AGBL1: variants seen among roughly 807,000 people sequenced by gnomAD.
The protein encoded by AGBL1 is cytosolic carboxypeptidase 4.
Under a neutral mutation model 118.9 loss-of-function variants are expected in AGBL1, and 130 were observed. That is an observed-to-expected ratio of 1.09 (90% CI 0.95 to 1.26). AGBL1 has a LOEUF of 1.26. Among genes scored for constraint, AGBL1 ranks in the 50% most tolerant of loss-of-function variants. AGBL1 has a pLI of 0.00. For synonymous variants in AGBL1, 555 were observed against 478.9 expected (o/e 1.16, Z -2.08); for missense variants, 1,584 against 1,298.1 (o/e 1.22, Z -3.38).
chr15:86,996,550 C>G (rs921103056), intron 24 of AGBL1, among the ~76,000 whole-genome samples: 1 of 152,128 alleles, frequency 6.6e-6, no homozygotes, highest in Non-Finnish European at 1.5e-5. Flanking sequence ...TGTAGTGAGC[C>G]AGGAAGGTGC....
intron 1 of AGBL1, among the ~76,000 whole-genome samples, chr15:86,081,439 G>A (rs867505560): frequency 6.6e-6 from 1 of 152,200 alleles, no homozygotes; most frequent in Non-Finnish European, 1.5e-5. Flanking sequence ...AATCTCAGAA[G>A]TGAAATAGGC....
chr15:86,295,128 C>G (rs181995220), intron 16 of AGBL1, 127 bp from the exon 17 acceptor site: 1 of 1,127,358 alleles, frequency 8.9e-7, no homozygotes, highest in East Asian at 2.6e-5. Flanking sequence ...ACTCAAGGCC[C>G]AATACATAAA....
intron 7 of AGBL1, among the ~76,000 whole-genome samples, chr15:86,252,168 A>G (rs1011963368): frequency 6.6e-6 from 1 of 152,194 alleles, no homozygotes; most frequent in Non-Finnish European, 1.5e-5. Context: ...CACTTTGAGA[A>G]CCACTGGAAT....
intron 16 of AGBL1, among the ~76,000 whole-genome samples, chr15:86,280,438 AC>A (rs1339578500): frequency 6.6e-6 from 1 of 152,190 alleles, no homozygotes; most frequent in Non-Finnish European, 1.5e-5. Flanking sequence ...CAAAAAGTTC[AC>A]AAGACAATTG....
intron 21 of AGBL1, among the ~76,000 whole-genome samples, chr15:86,566,728 C>G (rs1294394758): frequency 6.6e-6 from 1 of 152,180 alleles, no homozygotes; most frequent in Non-Finnish European, 1.5e-5. Flanking sequence ...CACACACACA[C>G]AGATTCTTTC....
rs546235581 is a variant in AGBL1 at position 86,362,761 on chromosome 15, A to G, written c.2375-34605A>G. Among the ~76,000 whole-genome samples the G allele has an allele frequency of 3.1e-3, 477 of 152,322 alleles. 2 individuals carry two copies. The highest frequency in any genetic ancestry group is 5.8e-3 in the Non-Finnish European group (397 of 68,014). On this transcript the variant is annotated intron_variant, in intron 17 of 22. Transcript: ENST00000614907. Reference sequence around the variant, plus strand: ...TAGGGCAGGGCTAGAGCTGAGTCACAGAGCTACTTCAAGATCTGCAGTAGG... The same window carrying G: ...TAGGGCAGGGCTAGAGCTGAGTCACGGAGCTACTTCAAGATCTGCAGTAGG...
At chr15:86,564,804 A>G (rs1157281574) in intron 21 of AGBL1, among the ~76,000 whole-genome samples, 3 of 152,156 alleles carry the variant, frequency 2.0e-5, no homozygotes, top group Admixed American at 1.3e-4. Flanking sequence ...ACATAGTCCC[A>G]TATTTCTTGG....
In AGBL1 at chr15:86,152,571, A is replaced by C. The variant is rs1296640571; in HGVS notation, c.263-1859A>C. 3.3e-5 allele frequency among the ~76,000 whole-genome samples: 5 copies of C among 152,312 alleles called. No individual in the cohort carries two copies. In the East Asian group the frequency reaches 9.6e-4, roughly 29 times the overall value. ...TAAAACCATAAAAACCCCAGAAGAA[A>C]ACCTAGGCAATACCATTCAGGACAT... On this transcript the variant is annotated intron_variant, in intron 3 of 22. Transcript: ENST00000614907.
At chr15:86,120,179 T>G (rs146878303) in intron 1 of AGBL1, among the ~76,000 whole-genome samples, 1 of 152,186 alleles carries the variant, frequency 6.6e-6, no homozygotes, top group African/African-American at 2.4e-5. Context: ...TGCTTTCTCC[T>G]GCATGTACTT....
chr15:86,832,004 C>T (rs963441193), intron 22 of AGBL1, among the ~76,000 whole-genome samples: 1 of 152,236 alleles, frequency 6.6e-6, no homozygotes, highest in African/African-American at 2.4e-5. Context: ...AGGCCCAACA[C>T]CACATGTAAG....
At chr15:86,500,208 G>C (rs1209468487) in intron 18 of AGBL1, among the ~76,000 whole-genome samples, 2 of 151,736 alleles carry the variant, frequency 1.3e-5, no homozygotes, top group Admixed American at 6.6e-5. Flanking sequence ...AGTCATTCCT[G>C]GAAATTCCTT....
At chr15:86,174,275 C>T (rs1020245263) in intron 5 of AGBL1, among the ~76,000 whole-genome samples, 1 of 151,962 alleles carries the variant, frequency 6.6e-6, no homozygotes, top group Admixed American at 6.6e-5. Context: ...GATAGAAATA[C>T]TACTGATATT....
At chr15:86,193,595 G>T (rs1273902656) in intron 5 of AGBL1, among the ~76,000 whole-genome samples, 2 of 152,144 alleles carry the variant, frequency 1.3e-5, no homozygotes, top group Non-Finnish European at 2.9e-5. Context: ...CAGAGTGGGG[G>T]ACTGCATCTG....
chr15:86,704,774 A>G (rs2086418759), intron 22 of AGBL1, among the ~76,000 whole-genome samples: 1 of 152,206 alleles, frequency 6.6e-6, no homozygotes, highest in African/African-American at 2.4e-5. Flanking sequence ...CAACAATCCC[A>G]TTACTGGGTA....
chr15:86,717,304 G>A (rs2086652599), intron 22 of AGBL1, among the ~76,000 whole-genome samples: 1 of 151,778 alleles, frequency 6.6e-6, no homozygotes, highest in East Asian at 1.9e-4. Context: ...ATATATCAGG[G>A]GCAAAAGCAA....
intron 3 of AGBL1, among the ~76,000 whole-genome samples, chr15:86,149,481 G>T (rs1449360704): frequency 6.6e-6 from 1 of 152,126 alleles, no homozygotes; most frequent in Non-Finnish European, 1.5e-5. Context: ...TGCAGTCCTA[G>T]TCTCCAATAA....
At chr15:86,954,402 G>C (rs1387552042) in intron 23 of AGBL1, among the ~76,000 whole-genome samples, 2 of 152,098 alleles carry the variant, frequency 1.3e-5, no homozygotes, top group Non-Finnish European at 2.9e-5. Flanking sequence ...AATCAACCTA[G>C]GTGTCCATCA....
chr15:86,649,686 G>A (rs1338612670), intron 21 of AGBL1, among the ~76,000 whole-genome samples: 3 of 148,574 alleles, frequency 2.0e-5, no homozygotes, highest in Non-Finnish European at 3.0e-5. Context: ...TCTTTTTAAT[G>A]CACAGGATTA....
At chr15:86,748,222 A>G (rs2141248272) in intron 22 of AGBL1, among the ~76,000 whole-genome samples, 1 of 152,232 alleles carries the variant, frequency 6.6e-6, no homozygotes, top group African/African-American at 2.4e-5. Flanking sequence ...CATTTCTCTG[A>G]TGGCCAGTGA....
Sources: allele counts gnomAD v4.1 joint callset (sites outside exome capture counted in the v4.1 genomes callset), GRCh38; gene constraint gnomAD v4.1.1; transcripts MANE v1.5; gene names NCBI Gene and HGNC (gene_info 2026-07-23, HGNC 2026-07-21).